The following ANO2 variants were observed in gnomAD, a reference collection of about 807,000 sequenced individuals.
ANO2 encodes the protein anoctamin 2.
Under a neutral mutation model 124.2 loss-of-function variants are expected in ANO2, and 101 were observed. That is an observed-to-expected ratio of 0.81 (90% CI 0.69 to 0.96). The LOEUF (loss-of-function observed/expected upper bound fraction) is 0.96. Ranked by LOEUF, ANO2 falls within the 40% of genes least tolerant of loss-of-function variation. The pLI is 0.00. For missense variants in ANO2, 1,293 were observed against 1,274.5 expected, an observed-to-expected ratio of 1.01 and a Z score of -0.22; for synonymous variants, 486 against 482.5, an observed-to-expected ratio of 1.01 and a Z score of -0.09.
chr12:5,827,365 G>A (rs10735055), intron 7 of ANO2, among the ~76,000 whole-genome samples: 138,775 of 152,220 alleles, frequency 0.91, 63,749 homozygotes, highest in East Asian at 1. Context: ...CTGGAGGTTC[G>A]TCTCTTCTTA....
rs976451503 is a variant in ANO2 at position 5,939,069 on chromosome 12, T to C, written c.22+6127A>G. ...CCGTCTCTACTAAAAATACAAAAAT[T>C]AGCTGGGCGTAGTGGTGCGCGCCTG... On this transcript the variant is annotated intron_variant, in intron 1 of 24. Transcript: ENST00000682330. 5.3e-5 allele frequency among the ~76,000 whole-genome samples: 8 copies of C among 150,608 alleles called. No homozygotes were observed. In the Admixed American group the frequency reaches 5.3e-4, roughly 10 times the overall value.
chr12:5,878,785 G>T (rs544146205), intron 3 of ANO2, among the ~76,000 whole-genome samples: 1 of 152,368 alleles, frequency 6.6e-6, no homozygotes, highest in Non-Finnish European at 1.5e-5. Context: ...GTGACTTAGA[G>T]ATGCCAGGAA....
intron 14 of ANO2, among the ~76,000 whole-genome samples, chr12:5,657,082 G>T (rs1389940836): frequency 6.6e-6 from 1 of 152,184 alleles, no homozygotes; most frequent in East Asian, 1.9e-4. Flanking sequence ...GAAGTCACTT[G>T]GGGGAGCCTG....
At chr12:5,616,975 C>G (rs1944845725) in intron 16 of ANO2, among the ~76,000 whole-genome samples, 1 of 150,110 alleles carries the variant, frequency 6.7e-6, no homozygotes, top group Admixed American at 6.6e-5. Flanking sequence ...CTCTCCAGAT[C>G]ACACAGTACC....
intron 7 of ANO2, among the ~76,000 whole-genome samples, chr12:5,823,829 C>T (rs1219892799): frequency 1.3e-5 from 2 of 152,262 alleles, no homozygotes; most frequent in African/African-American, 2.4e-5. Flanking sequence ...TTCGCCTGCA[C>T]ATCCAGGCGT....
Position 5,733,065 on chromosome 12 carries a change from T to C in ANO2, c.1435-435A>G, listed in dbSNP as rs1950710883. On this transcript the variant is annotated intron_variant, in intron 13 of 24. Coordinates refer to ENST00000682330, the MANE Select transcript of ANO2 (RefSeq NM_001364791.2). Reference sequence around the variant, plus strand: ...GCCAACTCCCAGCTGGAGAAACAGATGTGCCCCACAGCTGGGAGTGAGGGC... The same window carrying C: ...GCCAACTCCCAGCTGGAGAAACAGACGTGCCCCACAGCTGGGAGTGAGGGC... 1.3e-5 allele frequency: 9 copies of C among 668,680 alleles called. No homozygotes were observed. In the South Asian group the frequency reaches 1.6e-4, roughly 12 times the overall value. 41.4% of individuals were successfully genotyped at this position (668,680 alleles called of 1,614,324 possible). A position where few individuals can be genotyped will look rare whatever the true frequency, so the allele number is the denominator to read the frequency against.
chr12:5,667,819 C>T (rs540701764), intron 14 of ANO2, among the ~76,000 whole-genome samples: 1 of 152,290 alleles, frequency 6.6e-6, no homozygotes, highest in Admixed American at 6.5e-5. Flanking sequence ...TTTTCCATTC[C>T]TGGATTAGTT....
chr12:5,800,160 C>T (rs1952995861), intron 9 of ANO2, among the ~76,000 whole-genome samples: 1 of 152,046 alleles, frequency 6.6e-6, no homozygotes, highest in South Asian at 2.1e-4. Context: ...GGGAGGGTGT[C>T]CCAGGCAGGA....
intron 10 of ANO2, among the ~76,000 whole-genome samples, chr12:5,793,475 A>T (rs2137153176): frequency 6.6e-6 from 1 of 152,348 alleles, no homozygotes; most frequent in East Asian, 1.9e-4. Flanking sequence ...CAGGGCCAAG[A>T]CAGCACAAAC....
intron 19 of ANO2, among the ~76,000 whole-genome samples, chr12:5,609,348 C>T (rs1944367637): frequency 6.6e-6 from 1 of 152,070 alleles, no homozygotes; most frequent in African/African-American, 2.4e-5. Context: ...CCCGCCAATC[C>T]TCCCCAAAGA....
intron 10 of ANO2, among the ~76,000 whole-genome samples, chr12:5,785,191 C>G (rs1312204363): frequency 6.6e-6 from 1 of 151,998 alleles, no homozygotes; most frequent in African/African-American, 2.4e-5. Context: ...AAGAGAGTAG[C>G]TGGGATGGAT....
At chr12:5,723,429 C>A (rs1387166205) in intron 14 of ANO2, among the ~76,000 whole-genome samples, 1 of 152,090 alleles carries the variant, frequency 6.6e-6, no homozygotes, top group Admixed American at 6.6e-5. Flanking sequence ...CCTAAAGTAC[C>A]CCTAAGGAGA....
At chr12:5,716,411 G>T (rs547671695) in intron 14 of ANO2, among the ~76,000 whole-genome samples, 2 of 152,234 alleles carry the variant, frequency 1.3e-5, no homozygotes, top group South Asian at 4.2e-4. Flanking sequence ...GCTGTTTCAT[G>T]ACTCACTACA....
chr12:5,841,022 A>C (rs1208691204), intron 4 of ANO2, among the ~76,000 whole-genome samples: 1 of 152,134 alleles, frequency 6.6e-6, no homozygotes, highest in African/African-American at 2.4e-5. Context: ...GGAGCTGAAG[A>C]AGGGAGGAGC....
At chr12:5,768,073 A>T (rs545962873) in intron 10 of ANO2, among the ~76,000 whole-genome samples, 6 of 152,282 alleles carry the variant, frequency 3.9e-5, no homozygotes, top group African/African-American at 1.4e-4. Flanking sequence ...GTGCCAAGGC[A>T]CCCTAACATC....
chr12:5,919,456 G>C (rs1359812962), intron 3 of ANO2, among the ~76,000 whole-genome samples: 1 of 148,584 alleles, frequency 6.7e-6, no homozygotes, highest in Non-Finnish European at 1.5e-5. Flanking sequence ...ACAAAGACCT[G>C]AGGTCAAGGT....
chr12:5,849,571 T>C (rs939911490), intron 4 of ANO2, among the ~76,000 whole-genome samples: 1 of 152,236 alleles, frequency 6.6e-6, no homozygotes, highest in Non-Finnish European at 1.5e-5. Context: ...CACAAAATGC[T>C]GGCTCTTCTG....
chr12:5,564,774 G>A (rs1226265903), intron 24 of ANO2: 1 of 152,244 alleles, frequency 6.6e-6, no homozygotes, highest in Non-Finnish European at 1.5e-5. Context: ...TCCAGAGGAA[G>A]AATGGCTGTC....
At chr12:5,719,451 G>A (rs1187481945) in intron 14 of ANO2, among the ~76,000 whole-genome samples, 1 of 151,968 alleles carries the variant, frequency 6.6e-6, no homozygotes, top group Non-Finnish European at 1.5e-5. Flanking sequence ...AGGTGATGGT[G>A]TTAAGAGACA....
Sources: allele counts gnomAD v4.1 joint callset (sites outside exome capture counted in the v4.1 genomes callset), GRCh38; gene constraint gnomAD v4.1.1; transcripts MANE v1.5; gene names NCBI Gene and HGNC (gene_info 2026-07-23, HGNC 2026-07-21).